CFAP92: variants seen among roughly 807,000 people sequenced by gnomAD.
CFAP92 encodes the protein cilia and flagella associated protein 92 (putative).
CFAP92 carries 86 observed loss-of-function variants against 106.3 expected under a neutral mutation model. The observed-to-expected ratio is 0.81, with a 90% confidence interval of 0.68 to 0.97. CFAP92 has a LOEUF of 0.97. CFAP92 is among the 50% of genes least tolerant of loss of function. The pLI is 0.00. For synonymous variants in CFAP92, 477 were observed against 506.4 expected (o/e 0.94, Z 0.78); for missense variants, 1,204 against 1,283.8 (o/e 0.94, Z 0.95).
chr3:129,007,820 C>G, the CFAP92 span, among the ~76,000 whole-genome samples: 1 of 152,196 alleles, frequency 6.6e-6, no homozygotes, highest in Non-Finnish European at 1.5e-5. Context: ...CAGACCTGTA[C>G]TTTCTTTTTC....
intron 1 of CFAP92, chr3:129,001,853 C>T: frequency 6.5e-7 from 1 of 1,546,220 alleles, no homozygotes; most frequent in Non-Finnish European, 8.7e-7. Flanking sequence ...GCCGTCTGCC[C>T]CGCGCCGACT....
chr3:128,960,772 C>T (rs144029260), intron 9 of CFAP92, among the ~76,000 whole-genome samples: 6,336 of 152,104 alleles, frequency 0.042, 400 homozygotes, highest in African/African-American at 0.14. Context: ...CGGCAAGTCC[C>T]GCTTTCCTGG....
At chr3:128,924,589 C>T (rs945805112) in intron 12 of CFAP92, among the ~76,000 whole-genome samples, 2 of 150,644 alleles carry the variant, frequency 1.3e-5, no homozygotes, top group Admixed American at 1.3e-4. Flanking sequence ...GGATTACAGT[C>T]ATGTACCACC....
chr3:128,979,216 T>C (rs1943360436), intron 4 of CFAP92, among the ~76,000 whole-genome samples: 1 of 152,192 alleles, frequency 6.6e-6, no homozygotes, highest in African/African-American at 2.4e-5. Flanking sequence ...TCACTGGCCA[T>C]CAGAGAATGC....
chr3:129,024,253 G>A, the CFAP92 span, among the ~76,000 whole-genome samples: 1 of 152,072 alleles, frequency 6.6e-6, no homozygotes, highest in Non-Finnish European at 1.5e-5. Flanking sequence ...ATTTGGGGCT[G>A]GGTCTAGTGG....
chr3:128,953,129 G>A (rs1940974530), intron 9 of CFAP92, among the ~76,000 whole-genome samples: 1 of 152,006 alleles, frequency 6.6e-6, no homozygotes, highest in African/African-American at 2.4e-5. Flanking sequence ...TACAATAACT[G>A]CAATAAAAAA....
intron 4 of CFAP92, among the ~76,000 whole-genome samples, chr3:128,985,988 A>G (rs561449516): frequency 1.3e-5 from 2 of 152,294 alleles, no homozygotes; most frequent in East Asian, 3.9e-4. Flanking sequence ...CAGCCCCCAC[A>G]GCGAGGAATT....
chr3:128,999,663 C>G (rs962820638), intron 1 of CFAP92, among the ~76,000 whole-genome samples: 12 of 151,326 alleles, frequency 7.9e-5, no homozygotes, highest in African/African-American at 2.9e-4. Context: ...CTCAGCCTCC[C>G]AAGTAACTGG....
In CFAP92 at chr3:128,923,360, C is replaced by G. The variant is rs532739405; in HGVS notation, c.2752-7089G>C. On this transcript the variant is annotated intron_variant, in intron 12 of 15. Coordinates refer to ENST00000645291, the MANE Select transcript of CFAP92 (RefSeq NM_001394090.1). ...CAGATCAAGAAAACCACACAGGAAG[C>G]TGAGAAACTGCTGCAGCGCCAGGGT... 2.5e-4 allele frequency among the ~76,000 whole-genome samples: 38 copies of G among 152,318 alleles called. 1 individual carries two copies. Among genetic ancestry groups the G allele is most frequent in the African/African-American group, 8.9e-4 (37 of 41,566 alleles).
intron 4 of CFAP92, among the ~76,000 whole-genome samples, chr3:128,979,518 T>C (rs1334964290): frequency 1.3e-5 from 2 of 152,206 alleles, no homozygotes; most frequent in Non-Finnish European, 2.9e-5. Flanking sequence ...GCAGCACTAT[T>C]CACAATAGCA....
At chr3:129,001,967 G>A in intron 1 of CFAP92, 2 of 1,544,812 alleles carry the variant, frequency 1.3e-6, no homozygotes, top group South Asian at 2.4e-5. Context: ...CCGGGGATGC[G>A]GCCGCTGAGT....
At chr3:128,962,676 C>T (rs145546413) in intron 9 of CFAP92, among the ~76,000 whole-genome samples, 69 of 152,236 alleles carry the variant, frequency 4.5e-4, no homozygotes, top group African/African-American at 1.6e-3. Flanking sequence ...ATCCTTACCC[C>T]GCTCAATGCC....
chr3:128,978,326 T>C, intron 4 of CFAP92, 141 bp from the exon 5 acceptor site: 1 of 768,858 alleles, frequency 1.3e-6, no homozygotes, highest in Non-Finnish European at 2.1e-6. Context: ...AAGTGAGTCA[T>C]ACATTATCTT....
intron 8 of CFAP92, chr3:128,967,066 T>C (rs1942424194): frequency 6.6e-6 from 1 of 152,198 alleles, no homozygotes; most frequent in Admixed American, 6.5e-5. Context: ...ATCTTCAAAA[T>C]GGGGATAGAC....
rs577444274 is a variant in CFAP92, at chr3:128,945,045, T to C, written c.2258+26A>G. The C allele has an allele frequency of 2.2e-5, 33 of 1,474,842 alleles. No homozygotes were observed. In the South Asian group the frequency reaches 3.8e-4, roughly 17 times the overall value. 91.4% of individuals were successfully genotyped at this position (1,474,842 alleles called of 1,614,324 possible). On this transcript the variant is annotated intron_variant, in intron 10 of 15. Transcript: ENST00000645291. Reference sequence around the variant, plus strand: ...CGGCATCCAGATGCCATCATTTTTATGTAAAATGTAAAACAAACCACCTAC... The same window carrying C: ...CGGCATCCAGATGCCATCATTTTTACGTAAAATGTAAAACAAACCACCTAC...
intron 4 of CFAP92, among the ~76,000 whole-genome samples, chr3:128,981,992 T>G (rs539906102): frequency 7.9e-5 from 12 of 152,366 alleles, no homozygotes; most frequent in African/African-American, 2.6e-4. Context: ...AGCATCATTC[T>G]TAATAGGCTC....
At chr3:128,957,837 G>A (rs1253533226) in intron 9 of CFAP92, among the ~76,000 whole-genome samples, 2 of 152,132 alleles carry the variant, frequency 1.3e-5, no homozygotes, top group Admixed American at 6.6e-5. Context: ...TAAACTGGGG[G>A]GGGGCTTAAA....
At chr3:129,008,570 A>G in the CFAP92 span, among the ~76,000 whole-genome samples, 1 of 152,152 alleles carries the variant, frequency 6.6e-6, no homozygotes, top group African/African-American at 2.4e-5. Flanking sequence ...ATTCAACAGT[A>G]TTTTCTAAGC....
In CFAP92 at chr3:128,993,152, C is replaced by A. The variant is rs760752471; in HGVS notation, c.153G>T (p.Pro51=). The A allele has an allele frequency of 1.2e-6, 2 of 1,614,084 alleles. No homozygotes were observed. Among genetic ancestry groups the A allele is most frequent in the Non-Finnish European group, 1.7e-6 (2 of 1,179,906 alleles). ...CAGATGAGGACTCGATGCTGCTGCACGGGCGGTCAGAGTCAGACTCCTGGG... is the reference window on the plus strand; with the variant it reads ...CAGATGAGGACTCGATGCTGCTGCAAGGGCGGTCAGAGTCAGACTCCTGGG... ...ARAQESDSDR[P]CSSIESSSEP... The change falls in exon 2 of 16, where the codon CCG becomes CCT. Residue 51 remains proline (P), a synonymous_variant. Transcript: ENST00000645291.
Sources: gnomAD v4.1 joint callset for allele counts (sites outside exome capture counted in the v4.1 genomes callset) on GRCh38, gnomAD v4.1.1 for gene constraint, MANE v1.5 for transcripts, NCBI Gene and HGNC (gene_info 2026-07-23, HGNC 2026-07-21) for gene names.